Variants in TRPC6 observed in about 807,000 individuals in gnomAD.
TRPC6 encodes short transient receptor potential channel 6.
TRPC6 carries 55 observed loss-of-function variants against 90.7 expected under a neutral mutation model. That is an observed-to-expected ratio of 0.61 (90% CI 0.49 to 0.76). The LOEUF is 0.76. TRPC6 is among the 30% of genes least tolerant of loss of function. TRPC6 has a pLI of 0.00. For missense variants in TRPC6, 989 were observed against 1,122.7 expected, an observed-to-expected ratio of 0.88 and a Z score of 1.70; for synonymous variants, 393 against 393.0, an observed-to-expected ratio of 1.00 and a Z score of 0.00.
At chr11:101,537,172 T>C (rs748046172) in intron 1 of TRPC6, among the ~76,000 whole-genome samples, 2 of 152,220 alleles carry the variant, frequency 1.3e-5, no homozygotes, top group East Asian at 3.8e-4. Context: ...TTCAAAATAG[T>C]ACTTCCAATT....
intron 1 of TRPC6, among the ~76,000 whole-genome samples, chr11:101,559,098 T>C (rs1292520018): frequency 2.6e-5 from 4 of 152,020 alleles, no homozygotes; most frequent in African/African-American, 9.7e-5. Context: ...TTGGGAGAAA[T>C]ATTTGCAAGC....
At chr11:101,518,836 C>T (rs1398542178) in intron 1 of TRPC6, among the ~76,000 whole-genome samples, 4 of 152,206 alleles carry the variant, frequency 2.6e-5, no homozygotes, top group Admixed American at 6.5e-5. Context: ...GGTACTTATA[C>T]GCAATGGAGG....
intron 1 of TRPC6, among the ~76,000 whole-genome samples, chr11:101,538,017 A>G (rs919846922): frequency 1.3e-5 from 2 of 151,796 alleles, no homozygotes; most frequent in Non-Finnish European, 2.9e-5. Context: ...TTTGTTTTTA[A>G]TTTTTTTCCA....
intron 1 of TRPC6, among the ~76,000 whole-genome samples, chr11:101,529,269 A>T (rs1237525443): frequency 1.3e-5 from 2 of 152,158 alleles, no homozygotes; most frequent in Non-Finnish European, 2.9e-5. Context: ...TATATAGTCG[A>T]TTAACTAGGA....
chr11:101,460,286 C>T (rs577302239), intron 10 of TRPC6, among the ~76,000 whole-genome samples: 2 of 152,176 alleles, frequency 1.3e-5, no homozygotes, highest in South Asian at 2.1e-4. Context: ...CCAAAATCCA[C>T]TGATGCCCAG....
chr11:101,537,477 A>G (rs990800289), intron 1 of TRPC6, among the ~76,000 whole-genome samples: 13 of 152,080 alleles, frequency 8.5e-5, no homozygotes, highest in African/African-American at 3.1e-4. Flanking sequence ...TTTCAAAAAC[A>G]CTTGTCTGAA....
At chr11:101,474,450 G>A (rs964826387) in intron 6 of TRPC6, among the ~76,000 whole-genome samples, 1 of 152,058 alleles carries the variant, frequency 6.6e-6, no homozygotes, top group Non-Finnish European at 1.5e-5. Context: ...ACACAAAACA[G>A]TGTGTAAGAA....
In TRPC6 at chr11:101,569,064, G is replaced by T. The variant is rs141015521; in HGVS notation, c.170+14270C>A. 4.3e-3 allele frequency among the ~76,000 whole-genome samples: 660 copies of T among 152,136 alleles called. 6 individuals carry two copies. Among genetic ancestry groups the T allele is most frequent in the African/African-American group, 0.015 (635 of 41,494 alleles). On this transcript the variant is annotated intron_variant, in intron 1 of 12. Transcript: ENST00000344327. ...TGCCCCAATTAAAAGACACAGAATGGCAAGTTGGATGAAGAGTCAAGACAC... is the reference window on the plus strand; with the variant it reads ...TGCCCCAATTAAAAGACACAGAATGTCAAGTTGGATGAAGAGTCAAGACAC...
chr11:101,580,384 A>G (rs1329254137), intron 1 of TRPC6, among the ~76,000 whole-genome samples: 1 of 152,198 alleles, frequency 6.6e-6, no homozygotes, highest in Non-Finnish European at 1.5e-5. Context: ...GAGAATATTA[A>G]TTGATTTGCT....
chr11:101,498,347 T>C (rs180702128), intron 2 of TRPC6, among the ~76,000 whole-genome samples: 3 of 152,324 alleles, frequency 2.0e-5, no homozygotes, highest in Admixed American at 6.5e-5. Context: ...ATTAATGTTT[T>C]CTCCCATTTT....
At chr11:101,548,263 A>ATATATATATAATT (rs1555011089) in intron 1 of TRPC6, among the ~76,000 whole-genome samples, 5 of 82,774 alleles carry the variant, frequency 6.0e-5, no homozygotes, top group African/African-American at 2.6e-4. Context: ...ATATATATAC[A>ATATATATATAATT]TATATATATA....
intron 1 of TRPC6, among the ~76,000 whole-genome samples, chr11:101,514,046 C>A (rs1203598049): frequency 6.6e-6 from 1 of 152,184 alleles, no homozygotes; most frequent in East Asian, 1.9e-4. Context: ...CCATGCAGCA[C>A]ATAGCTTTCA....
At chr11:101,581,637 T>A (rs990593297) in intron 1 of TRPC6, among the ~76,000 whole-genome samples, 1 of 152,182 alleles carries the variant, frequency 6.6e-6, no homozygotes, top group Admixed American at 6.5e-5. Context: ...CCAATAAAAA[T>A]TCCATCTATG....
chr11:101,463,902 T>C (rs1859070151), intron 10 of TRPC6, among the ~76,000 whole-genome samples: 1 of 152,206 alleles, frequency 6.6e-6, no homozygotes, highest in Non-Finnish European at 1.5e-5. Context: ...GATGTTAGGG[T>C]GTCAATTTTA....
intron 1 of TRPC6, among the ~76,000 whole-genome samples, chr11:101,540,222 C>G (rs1672827711): frequency 6.6e-6 from 1 of 152,116 alleles, no homozygotes; most frequent in Admixed American, 6.6e-5. Context: ...TGCCTGAGGC[C>G]TCTGCTCTTC....
intron 1 of TRPC6, among the ~76,000 whole-genome samples, chr11:101,570,226 C>T (rs1197938261): frequency 6.6e-6 from 1 of 152,162 alleles, no homozygotes; most frequent in African/African-American, 2.4e-5. Flanking sequence ...AAACTACCAT[C>T]AGAGAATACT....
chr11:101,485,701 A>G (rs1202519941), intron 4 of TRPC6, among the ~76,000 whole-genome samples: 2 of 152,170 alleles, frequency 1.3e-5, no homozygotes, highest in Non-Finnish European at 2.9e-5. Flanking sequence ...AAGAATAAGA[A>G]GCAGCTTTCA....
At chr11:101,496,307 G>A (rs1859948233) in intron 2 of TRPC6, among the ~76,000 whole-genome samples, 1 of 152,122 alleles carries the variant, frequency 6.6e-6, no homozygotes, top group African/African-American at 2.4e-5. Flanking sequence ...TATATACAGT[G>A]TTGCATTGGC....
chr11:101,535,506 C>G (rs796403860), intron 1 of TRPC6, among the ~76,000 whole-genome samples: 6 of 152,026 alleles, frequency 3.9e-5, no homozygotes, highest in African/African-American at 1.4e-4. Context: ...CTTCAGAGGA[C>G]TATAGGGTCA....
Sources: gnomAD v4.1 joint callset for allele counts (sites outside exome capture counted in the v4.1 genomes callset) on GRCh38, gnomAD v4.1.1 for gene constraint, MANE v1.5 for transcripts, NCBI Gene and HGNC (gene_info 2026-07-23, HGNC 2026-07-21) for gene names.